Variants in UNKL observed in about 807,000 individuals in gnomAD.
UNKL encodes the protein unk like zinc finger.
UNKL carries 60 observed loss-of-function variants against 78.0 expected under a neutral mutation model. The observed-to-expected ratio is 0.77, with a 90% confidence interval of 0.63 to 0.95. The LOEUF (loss-of-function observed/expected upper bound fraction) is 0.95, where lower values mean the gene tolerates loss of function less well. Ranked by LOEUF, UNKL falls within the 40% of genes least tolerant of loss-of-function variation. The pLI, the probability that UNKL is intolerant of heterozygous loss-of-function variation, is 0.00. For synonymous variants in UNKL, 608 were observed against 474.8 expected, an observed-to-expected ratio of 1.28 and a Z score of -3.65; for missense variants, 1,159 against 1,045.7, an observed-to-expected ratio of 1.11 and a Z score of -1.49.
chr16:1,363,328 A>G lies in UNKL; in HGVS notation c.*2912T>C. ...AAGTGTTAACTTTAAACAGTTCGCT[A>G]CAAGTAAATGATTATAAATACTACC... is the stretch of plus-strand genomic sequence containing the variant. On this transcript the variant is annotated 3_prime_UTR_variant, in exon 15 of 15. Transcript: ENST00000389221. 2 of 529,950 alleles carry G rather than the reference A, an allele frequency of 3.8e-6. No homozygotes were observed. Among genetic ancestry groups the G allele is most frequent in the South Asian group, 4.1e-5 (2 of 49,160 alleles). 32.8% of individuals were successfully genotyped at this position (529,950 alleles called of 1,614,324 possible). A position where few individuals can be genotyped will look rare whatever the true frequency, so the allele number is the denominator to read the frequency against.
intron 9 of UNKL, among the ~76,000 whole-genome samples, chr16:1,389,892 C>T (rs2036971477): frequency 1.3e-5 from 2 of 152,214 alleles, no homozygotes; most frequent in African/African-American, 4.8e-5. Context: ...CAACCTCCAC[C>T]TCCTGGGCTC....
Position 1,370,368 on chromosome 16 carries a change from C to A in UNKL, c.1358-11G>T. 6.5e-7 allele frequency: 1 copy of A among 1,531,310 alleles called. No homozygotes were observed. The highest frequency in any genetic ancestry group is 8.7e-7 in the Non-Finnish European group (1 of 1,145,676). 94.9% of individuals were successfully genotyped at this position (1,531,310 alleles called of 1,614,324 possible). ...CCAGCGACCTGGGACCTGGCGGGGG[C>A]GGACCAGTCAGCGAAGGGAGTACCG... On this transcript the variant is annotated splice_polypyrimidine_tract_variant and intron_variant, in intron 11 of 14. Transcript: ENST00000389221.
At chr16:1,408,328 A>G (rs932675188) in intron 2 of UNKL, 1 of 152,308 alleles carries the variant, frequency 6.6e-6, no homozygotes, top group East Asian at 1.9e-4. Context: ...GGGACAGCCA[A>G]TCGCGGGCGC....
In UNKL at chr16:1,363,442, A is replaced by G. The variant is rs963443026; in HGVS notation, c.*2798T>C. ...AGGCTTCCAGAAATTAATCCACTTGAGGCGTCCACGCGGAACAAGGTCTGC... is the reference window on the plus strand; with the variant it reads ...AGGCTTCCAGAAATTAATCCACTTGGGGCGTCCACGCGGAACAAGGTCTGC... On this transcript the variant is annotated 3_prime_UTR_variant, in exon 15 of 15. Transcript: ENST00000389221. The G allele has an allele frequency of 5.7e-6, 2 of 350,754 alleles. No homozygotes were observed. The highest frequency in any genetic ancestry group is 8.2e-5 in the Admixed American group (2 of 24,396). The allele number at this position is 350,754 out of a possible 1,614,324, so 21.7% of individuals were successfully genotyped here.
At chr16:1,413,416 A>T (rs2038136556) in intron 2 of UNKL, among the ~76,000 whole-genome samples, 1 of 152,008 alleles carries the variant, frequency 6.6e-6, no homozygotes, top group South Asian at 2.1e-4. Flanking sequence ...TAAAAATAAA[A>T]AATTAGCTGG....
chr16:1,402,292 T>C (rs895402724), intron 3 of UNKL, among the ~76,000 whole-genome samples: 7 of 150,548 alleles, frequency 4.6e-5, no homozygotes. Flanking sequence ...CCTCACAGCC[T>C]CAACCCCAGT....
intron 10 of UNKL, among the ~76,000 whole-genome samples, chr16:1,371,974 G>A (rs959828311): frequency 6.6e-6 from 1 of 152,166 alleles, no homozygotes; most frequent in African/African-American, 2.4e-5. Context: ...AAACTTTCCA[G>A]GGCCGGGTGC....
intron 14 of UNKL, among the ~76,000 whole-genome samples, 200 bp from the exon 15 acceptor site, chr16:1,366,595 A>C (rs922441027): frequency 1.3e-5 from 2 of 152,006 alleles, no homozygotes; most frequent in African/African-American, 4.8e-5. Context: ...GCTCTGTCTT[A>C]AGAGCCCTGG....
chr16:1,406,098 G>A (rs1358360820), intron 2 of UNKL: 4 of 455,630 alleles, frequency 8.8e-6, no homozygotes, highest in East Asian at 1.4e-4. Context: ...GACAGGCAGT[G>A]TACACGACTC....
intron 14 of UNKL, among the ~76,000 whole-genome samples, 180 bp downstream of exon 14, chr16:1,366,912 C>T (rs75247992): frequency 4.7e-5 from 1 of 21,216 alleles, no homozygotes; most frequent in African/African-American, 1.1e-4. Context: ...CCCAGGGAGA[C>T]AGGCAAGGAG....
intron 6 of UNKL, among the ~76,000 whole-genome samples, chr16:1,396,114 G>A (rs956802493): frequency 6.6e-6 from 1 of 151,858 alleles, no homozygotes; most frequent in South Asian, 2.1e-4. Flanking sequence ...GCTAATTTTT[G>A]TATTTTTAGT....
At chr16:1,378,051 G>C (rs943486863) in intron 10 of UNKL, among the ~76,000 whole-genome samples, 1 of 152,160 alleles carries the variant, frequency 6.6e-6, no homozygotes, top group East Asian at 1.9e-4. Flanking sequence ...CTCCTAACCT[G>C]CTGTGCCACT....
At chr16:1,380,673 A>ATTTTTTTTTTTTT (rs57595079) in intron 10 of UNKL, among the ~76,000 whole-genome samples, 4 of 99,398 alleles carry the variant, frequency 4.0e-5, no homozygotes, top group Admixed American at 1.5e-4. Flanking sequence ...CTGGTTCAGG[A>ATTTTTTTTTTTTT]TTTTTTTTTT....
In UNKL at chr16:1,399,634, G is replaced by A. The variant is rs781598225; in HGVS notation, c.599-125C>T. ...GGGGCTGCAGGAGGACTTGGGGAGC[G>A]CAGACACACGCCACGGCACACGCTG... On this transcript the variant is annotated intron_variant, in intron 4 of 14. Transcript: ENST00000389221. The surrounding 1 kb of genome is among the most constrained non-coding windows in gnomAD (Gnocchi z 5.8). 8.2e-5 allele frequency: 114 copies of A among 1,384,558 alleles called. No homozygotes were observed. Among genetic ancestry groups the A allele is most frequent in the African/African-American group, 3.5e-4 (24 of 68,898 alleles). 85.8% of individuals were successfully genotyped at this position (1,384,558 alleles called of 1,614,324 possible).
rs765599124 is a variant in UNKL at position 1,370,326 on chromosome 16, G to A, written c.1389C>T (p.Val463=). 2.7e-5 allele frequency: 41 copies of A among 1,533,484 alleles called. No individual in the cohort carries two copies. Among genetic ancestry groups the A allele is most frequent in the African/African-American group, 8.2e-5 (6 of 72,966 alleles). The allele number at this position is 1,533,484 out of a possible 1,614,324, so 95.0% of individuals were successfully genotyped here. A position where few individuals can be genotyped will look rare whatever the true frequency, so the allele number is the denominator to read the frequency against. ...GPRSLAGSAP[V]AIPGSLPRAP... is the part of the protein sequence containing the mutation. ...CTCTGGGCAGGGAGCCGGGGATGGC[G>A]ACAGGTGCAGAGCCGGCCAGCGACC... The change falls in exon 12 of 15, where the codon GTC becomes GTT. Residue 463 remains valine (V), a synonymous_variant. Coordinates refer to ENST00000389221, the MANE Select transcript of UNKL (RefSeq NM_001372107.1).
In UNKL at chr16:1,405,109, G is replaced by A. The variant is rs146580145; in HGVS notation, c.288-1765C>T. Among the ~76,000 whole-genome samples the A allele has an allele frequency of 1.9e-4, 28 of 150,752 alleles. No individual in the cohort carries two copies. In the East Asian group the frequency reaches 4.1e-3, roughly 22 times the overall value. On this transcript the variant is annotated intron_variant, in intron 2 of 14. Coordinates refer to ENST00000389221, the MANE Select transcript of UNKL (RefSeq NM_001372107.1). ...CTTGGGAGGCTGAGGAGGGAGGATC[G>A]CTTAAAGCCCAAAAGGCCAAGGCTG...
In UNKL at chr16:1,398,928, G is replaced by A. The variant is rs767230134; in HGVS notation, c.734+446C>T. On this transcript the variant is annotated intron_variant, in intron 5 of 14. Coordinates refer to ENST00000389221, the MANE Select transcript of UNKL (RefSeq NM_001372107.1). Reference sequence around the variant, plus strand: ...CTGGGACTCAGCCTAAGGACCCGGCGTCCCAGCTGCCAGCTGTGAAGACAA... The same window carrying A: ...CTGGGACTCAGCCTAAGGACCCGGCATCCCAGCTGCCAGCTGTGAAGACAA... The A allele has an allele frequency of 2.3e-5, 36 of 1,552,744 alleles. 1 individual carries two copies. Among genetic ancestry groups the A allele is most frequent in the South Asian group, 4.7e-5 (4 of 84,356 alleles).
chr16:1,406,266 G>A (rs1052264265), intron 2 of UNKL, among the ~76,000 whole-genome samples: 3 of 150,962 alleles, frequency 2.0e-5, no homozygotes, highest in Middle Eastern at 3.2e-3. Flanking sequence ...AGGCCGGAGT[G>A]CAGTGGCACA....
rs1046691865 is a variant in UNKL, at chr16:1,397,164, T to C, written c.852+14A>G. On this transcript the variant is annotated intron_variant, in intron 6 of 14. Transcript: ENST00000389221. ...TCCAGCGACCCCTACGCCTGGGGGGTTGGAGGGACGTACCTCGGGATGGAA... is the reference window on the plus strand; with the variant it reads ...TCCAGCGACCCCTACGCCTGGGGGGCTGGAGGGACGTACCTCGGGATGGAA... 8 of 1,546,350 alleles carry C rather than the reference T, an allele frequency of 5.2e-6. No homozygotes were observed. The highest frequency in any genetic ancestry group is 2.7e-5 in the African/African-American group (2 of 72,990).
Sources: gnomAD v4.1 joint callset for allele counts (sites outside exome capture counted in the v4.1 genomes callset) on GRCh38, gnomAD v4.1.1 for gene constraint, Gnocchi (gnomAD v3.1) non-coding constraint, MANE v1.5 for transcripts, NCBI Gene and HGNC (gene_info 2026-07-23, HGNC 2026-07-21) for gene names.